The following BRI3BP variants were observed in gnomAD, a reference collection of about 807,000 sequenced individuals.
BRI3BP encodes the protein BRI3-binding protein.
BRI3BP carries 7 observed loss-of-function variants against 15.8 expected under a neutral mutation model. The ratio of observed to expected loss-of-function variants is 0.44; its 90% CI spans 0.25 to 0.83. BRI3BP has a LOEUF of 0.83. BRI3BP is among the 40% of genes least tolerant of loss of function. The pLI is 0.20. For synonymous variants in BRI3BP, 192 were observed against 163.5 expected (o/e 1.17, Z -1.33); for missense variants, 320 against 339.3 (o/e 0.94, Z 0.45).
At chr12:125,049,863 G>C in the BRI3BP span, among the ~76,000 whole-genome samples, 105 of 152,334 alleles carry the variant, frequency 6.9e-4, no homozygotes, top group African/African-American at 2.5e-3. Context: ...TTGGGGTCGC[G>C]GGAAGGGAGG....
In BRI3BP at chr12:125,025,340, G is replaced by C. The variant is rs1955343126; in HGVS notation, c.666G>C (p.Glu222Asp). 1 of 1,606,000 alleles carries C rather than the reference G, an allele frequency of 6.2e-7. No homozygotes were observed. The highest frequency in any genetic ancestry group is 8.5e-7 in the Non-Finnish European group (1 of 1,173,898). ...PSNPSNPSVE[E>D]KLEHLEKQVR... ...ACCCCAGCAACCCCAGCGTGGAGGA[G>C]AAGCTGGAGCACCTGGAGAAGCAGG... Residue 222 changes from glutamate (E) to aspartate (D), a missense_variant, in exon 3 of 3, where the codon GAG becomes GAC. Transcript: ENST00000341446.
intron 2 of BRI3BP, among the ~76,000 whole-genome samples, chr12:125,015,231 A>G (rs1048833961): frequency 4.6e-5 from 7 of 151,910 alleles, no homozygotes; most frequent in African/African-American, 1.7e-4. Context: ...GTTAAATGAG[A>G]TCGTCTTGGA....
chr12:125,044,911 A>C, the BRI3BP span, among the ~76,000 whole-genome samples: 1 of 152,148 alleles, frequency 6.6e-6, no homozygotes, highest in Admixed American at 6.6e-5. Context: ...ACCTGGCCAG[A>C]CAAGATATTT....
the BRI3BP span, among the ~76,000 whole-genome samples, chr12:125,036,256 G>T: frequency 1.3e-5 from 2 of 150,972 alleles, no homozygotes; most frequent in Admixed American, 6.6e-5. Flanking sequence ...GTAGAGACGG[G>T]GGTTTCACCA....
At chr12:125,002,171 T>C (rs1440303698) in intron 1 of BRI3BP, among the ~76,000 whole-genome samples, 1 of 152,210 alleles carries the variant, frequency 6.6e-6, no homozygotes, top group African/African-American at 2.4e-5. Flanking sequence ...GCTGTGAATA[T>C]CCATGTGCAA....
At chr12:125,046,434 G>A in the BRI3BP span, among the ~76,000 whole-genome samples, 1 of 151,914 alleles carries the variant, frequency 6.6e-6, no homozygotes, top group Non-Finnish European at 1.5e-5. Flanking sequence ...CACGCCTGTA[G>A]TCCCATCTAC....
intron 1 of BRI3BP, among the ~76,000 whole-genome samples, chr12:125,002,052 A>G (rs1337719051): frequency 6.6e-6 from 1 of 152,140 alleles, no homozygotes; most frequent in Non-Finnish European, 1.5e-5. Flanking sequence ...AGGTTCATCC[A>G]TACTGCAGGA....
chr12:125,040,545 G>C, the BRI3BP span, among the ~76,000 whole-genome samples: 24 of 150,556 alleles, frequency 1.6e-4, no homozygotes, highest in Middle Eastern at 7.1e-3. Context: ...GTTTCTCCAT[G>C]TTGGTCAGAC....
At chr12:125,003,956 AACACACACACACACACAC>A (rs202194939) in intron 1 of BRI3BP, among the ~76,000 whole-genome samples, 2 of 38,154 alleles carry the variant, frequency 5.2e-5, no homozygotes, top group Admixed American at 2.8e-4. Context: ...CCATCTCAAA[AACACACACACACACACAC>A]ACACACACAC....
chr12:125,038,044 G>C, the BRI3BP span, among the ~76,000 whole-genome samples: 2 of 152,154 alleles, frequency 1.3e-5, no homozygotes, highest in East Asian at 3.9e-4. Context: ...TGTAATCCCA[G>C]CACTTTGGGA....
intron 2 of BRI3BP, among the ~76,000 whole-genome samples, chr12:125,022,518 A>ATTATTTATTTAT (rs573464976): frequency 3.4e-4 from 49 of 144,360 alleles, no homozygotes; most frequent in South Asian, 4.4e-4. Flanking sequence ...TTGTTAATTT[A>ATTATTTATTTAT]TTATTTATTT....
At chr12:125,048,370 C>T in the BRI3BP span, among the ~76,000 whole-genome samples, 1 of 152,152 alleles carries the variant, frequency 6.6e-6, no homozygotes, top group Non-Finnish European at 1.5e-5. Context: ...CAAATCACAA[C>T]GGACATATCC....
intron 1 of BRI3BP, among the ~76,000 whole-genome samples, chr12:125,002,860 G>T (rs1955107648): frequency 6.6e-6 from 1 of 152,160 alleles, no homozygotes; most frequent in South Asian, 2.1e-4. Context: ...TCTGCAGAAG[G>T]CATCATGTGT....
chr12:125,042,121 G>A, the BRI3BP span, among the ~76,000 whole-genome samples: 1 of 152,104 alleles, frequency 6.6e-6, no homozygotes, highest in African/African-American at 2.4e-5. Flanking sequence ...CCTTATTGAG[G>A]GACATTAAAG....
chr12:125,006,098 G>A lies in BRI3BP; in HGVS notation c.214-6436G>A, dbSNP rs371877245. On this transcript the variant is annotated intron_variant, in intron 1 of 2. Transcript: ENST00000341446. ...CTTGCATAAGGACACCAGTCGCATC[G>A]GATTAGGGCCCACCGTAAATATCTC... Among the ~76,000 whole-genome samples, 6 of 152,174 alleles carry A rather than the reference G, an allele frequency of 3.9e-5. No homozygotes were observed. The East Asian group carries it at 1.2e-3, about 29-fold the overall frequency.
chr12:125,022,868 A>C (rs1470068253), intron 2 of BRI3BP, among the ~76,000 whole-genome samples: 4 of 152,142 alleles, frequency 2.6e-5, no homozygotes, highest in African/African-American at 9.7e-5. Context: ...TTTGAGGTGA[A>C]TGATGTCTTT....
the BRI3BP span, among the ~76,000 whole-genome samples, chr12:125,048,170 C>T: frequency 1.3e-5 from 2 of 152,002 alleles, no homozygotes; most frequent in East Asian, 3.9e-4. Flanking sequence ...GGTCATTTTT[C>T]TGTGGTTTTA....
At chr12:125,005,476 T>G (rs1955133675) in intron 1 of BRI3BP, among the ~76,000 whole-genome samples, 1 of 151,958 alleles carries the variant, frequency 6.6e-6, no homozygotes, top group East Asian at 1.9e-4. Flanking sequence ...AGTGGTTAGA[T>G]CTAGAGGCCT....
At chr12:124,998,712 G>A (rs4765198) in intron 1 of BRI3BP, among the ~76,000 whole-genome samples, 110,825 of 152,054 alleles carry the variant, frequency 0.73, 40,754 homozygotes, top group East Asian at 0.99. Flanking sequence ...TTGTGAACGT[G>A]CTCATGCCAC....
Sources: gnomAD v4.1 joint callset for allele counts (sites outside exome capture counted in the v4.1 genomes callset) on GRCh38, gnomAD v4.1.1 for gene constraint, MANE v1.5 for transcripts, NCBI Gene and HGNC (gene_info 2026-07-23, HGNC 2026-07-21) for gene names.